The following MDN1 variants were observed in gnomAD, a reference collection of about 807,000 sequenced individuals.
MDN1 encodes midasin.
MDN1 carries 266 observed loss-of-function variants against 669.2 expected under a neutral mutation model. The observed-to-expected ratio is 0.40, with a 90% CI of 0.36 to 0.44. The LOEUF is 0.44. Among genes scored for constraint, MDN1 ranks in the 20% least tolerant of loss-of-function variants. MDN1 has a pLI of 1.00. For synonymous variants in MDN1, 2,385 were observed against 2,457.1 expected, an observed-to-expected ratio of 0.97 and a Z score of 0.87; for missense variants, 5,940 against 6,754.0, an observed-to-expected ratio of 0.88 and a Z score of 4.22.
chr6:89,819,780 G>A lies in MDN1; in HGVS notation c.-173C>T, dbSNP rs1445367446. The A allele has an allele frequency of 1.2e-5, 7 of 600,372 alleles. No homozygotes were observed. Among genetic ancestry groups the A allele is most frequent in the Admixed American group, 1.2e-4 (4 of 34,364 alleles). The allele number at this position is 600,372 out of a possible 1,614,324, so 37.2% of individuals were successfully genotyped here. A position where few individuals can be genotyped will look rare whatever the true frequency, so the allele number is the denominator to read the frequency against. ...GGCACCACACGTGGGTGAGCACACG[G>A]CGTTTGACGTCATCAGCTCGGGACG... On this transcript the variant is annotated 5_prime_UTR_variant, in exon 1 of 102. Coordinates refer to ENST00000369393, the MANE Select transcript of MDN1 (RefSeq NM_014611.3).
Position 89,677,685 on chromosome 6 carries a change from G to A in MDN1, c.12424C>T (p.Arg4142Cys), listed in dbSNP as rs535903618. The change falls in exon 76 of 102, where the codon CGC (arginine) becomes TGC (cysteine). Residue 4142 changes from arginine (R) to cysteine (C), a missense_variant. Around this residue, in one of 5 missense-constraint regions of MDN1, gnomAD observed 2,280 missense variants for 2,576.3 expected, o/e 0.88. Transcript: ENST00000369393. ...GAACGGGCCCAAGCAAGACCTTTGCGATACGACAAACCTAGGAAATAAACA... is the reference window on the plus strand; with the variant it reads ...GAACGGGCCCAAGCAAGACCTTTGCAATACGACAAACCTAGGAAATAAACA... ...KHLAKIGLSY[R>C]KGLAWARSKN... The A allele has an allele frequency of 8.1e-6, 13 of 1,614,076 alleles. No individual in the cohort carries two copies. The highest frequency in any genetic ancestry group is 5.5e-5 in the South Asian group (5 of 91,078).
intron 12 of MDN1, among the ~76,000 whole-genome samples, chr6:89,775,670 CTTTTT>C (rs547187251): frequency 6.7e-6 from 1 of 149,312 alleles, no homozygotes. Flanking sequence ...CTCTTTGCAA[CTTTTT>C]TTTTTGTTTG....
chr6:89,672,213 G>C lies in MDN1; in HGVS notation c.13781C>G (p.Ala4594Gly), dbSNP rs1223385869. ...RLKSYGEDGT[A>G]AKHLFFSQSC... ...ACAGTTAGTTACCAGGTGCTTTGCT[G>C]CTGTGCCATCCTCACCGTACGATTT... The change falls in exon 82 of 102, where the codon GCA (alanine) becomes GGA (glycine). Residue 4594 changes from alanine (A) to glycine (G), a missense_variant. Ala to Gly is a moderately conservative substitution (Grantham distance 60, BLOSUM62 0). Around this residue, in one of 5 missense-constraint regions of MDN1, gnomAD observed 2,280 missense variants for 2,576.3 expected, o/e 0.88. Transcript: ENST00000369393. 1 of 1,583,710 alleles carries C rather than the reference G, an allele frequency of 6.3e-7. No individual in the cohort carries two copies. Among genetic ancestry groups the C allele is most frequent in the Admixed American group, 2.0e-5 (1 of 49,976 alleles).
At chr6:89,704,983 A>G (rs1229744639) in intron 53 of MDN1, among the ~76,000 whole-genome samples, 1 of 152,228 alleles carries the variant, frequency 6.6e-6, no homozygotes, top group African/African-American at 2.4e-5. Context: ...TGTGCCATCA[A>G]ATAAGAATAT....
intron 44 of MDN1, 31 bp downstream of exon 44, chr6:89,716,619 T>C: frequency 6.3e-7 from 1 of 1,575,106 alleles, no homozygotes; most frequent in Non-Finnish European, 8.6e-7. Context: ...AAATTTCAAG[T>C]TGGACCACTG....
In MDN1 at chr6:89,803,446, C is replaced by T. The variant is rs1350571472; in HGVS notation, c.211G>A (p.Asp71Asn). 3 of 1,614,096 alleles carry T rather than the reference C, an allele frequency of 1.9e-6. No individual in the cohort carries two copies. The highest frequency in any genetic ancestry group is 4.5e-5 in the East Asian group (2 of 44,884). Reference sequence around the variant, plus strand: ...GCTTCGGCATTCCTTTCCAGCAAATCCAAAAGGAGAGGGCGAAGCTGGCGA... The same window carrying T: ...GCTTCGGCATTCCTTTCCAGCAAATTCAAAAGGAGAGGGCGAAGCTGGCGA... ...VGRQLRPLLL[D>N]LLERNAEAIK... The change falls in exon 2 of 102, where the codon GAT becomes AAT. Residue 71 changes from aspartate (D) to asparagine (N), a missense_variant. By Grantham distance (23) the Asp-to-Asn change is conservative. Coordinates refer to ENST00000369393, the MANE Select transcript of MDN1 (RefSeq NM_014611.3).
intron 15 of MDN1, 71 bp downstream of exon 15, chr6:89,771,490 C>A: frequency 7.5e-7 from 1 of 1,333,534 alleles, no homozygotes; most frequent in Non-Finnish European, 1.1e-6. Flanking sequence ...GTTGTTAACA[C>A]TAAGAAAACA....
chr6:89,801,545 G>C (rs143119132), intron 2 of MDN1, among the ~76,000 whole-genome samples: 3 of 152,152 alleles, frequency 2.0e-5, no homozygotes, highest in Non-Finnish European at 2.9e-5. Flanking sequence ...CAGCTACTTG[G>C]GGGGCTGAGG....
intron 18 of MDN1, 102 bp downstream of exon 18, chr6:89,758,714 G>A: frequency 8.0e-7 from 1 of 1,245,132 alleles, no homozygotes. Flanking sequence ...AATTCCATTG[G>A]GAGGCCCATG....
At chr6:89,645,473 C>T (rs111369825) in intron 100 of MDN1, among the ~76,000 whole-genome samples, 40 of 152,250 alleles carry the variant, frequency 2.6e-4, no homozygotes, top group African/African-American at 7.5e-4. Context: ...ACATACTGTA[C>T]ATGAGAATTA....
Position 89,655,903 on chromosome 6 carries a change from C to A in MDN1, c.15351G>T (p.Val5117=), listed in dbSNP as rs753539122. ...ERSMGDHNER[V]HKRLRTVDTD... is the part of the protein sequence containing the mutation. ...TATCCACAGTCCTCAGCCTCTTGTG[C>A]ACACGCTCATTGTGATCACCCATGG... Residue 5117 remains valine, a synonymous_variant, in exon 92 of 102, where the codon GTG becomes GTT. Transcript: ENST00000369393. The A allele has an allele frequency of 1.9e-6, 3 of 1,614,138 alleles. No individual in the cohort carries two copies. In the Admixed American group the frequency reaches 5.0e-5, roughly 27 times the overall value.
At chr6:89,779,948 C>A (rs1818573642) in intron 11 of MDN1, among the ~76,000 whole-genome samples, 1 of 151,890 alleles carries the variant, frequency 6.6e-6, no homozygotes, top group Non-Finnish European at 1.5e-5. Context: ...TGCCTGTAAC[C>A]CCAGCTACTC....
intron 10 of MDN1, 84 bp downstream of exon 10, chr6:89,781,315 C>T (rs1159502694): frequency 5.1e-6 from 7 of 1,368,552 alleles, no homozygotes; most frequent in Non-Finnish European, 7.2e-6. Flanking sequence ...TGCACCACTG[C>T]ACTCCAGCCT....
intron 17 of MDN1, among the ~76,000 whole-genome samples, chr6:89,760,879 G>C (rs911335776): frequency 6.6e-6 from 1 of 152,132 alleles, no homozygotes; most frequent in African/African-American, 2.4e-5. Flanking sequence ...ACAAAGCCTT[G>C]GCCAGGCGCG....
At chr6:89,783,155 A>C (rs1818767946) in intron 9 of MDN1, among the ~76,000 whole-genome samples, 1 of 152,190 alleles carries the variant, frequency 6.6e-6, no homozygotes, top group South Asian at 2.1e-4. Context: ...AGGCAAAAAG[A>C]GCCATATTTT....
In MDN1 at chr6:89,686,889, T is replaced by G. The variant is rs1249766768; in HGVS notation, c.11572+13A>C. 5 of 1,613,568 alleles carry G rather than the reference T, an allele frequency of 3.1e-6. No homozygotes were observed. Among genetic ancestry groups the G allele is most frequent in the African/African-American group, 1.3e-5 (1 of 74,878 alleles). On this transcript the variant is annotated intron_variant, in intron 69 of 101. Coordinates refer to ENST00000369393, the MANE Select transcript of MDN1 (RefSeq NM_014611.3). ...AGCTCTAAGTGGGCAGGAAATGTAC[T>G]GCTAGGCATTACCTTCCTGTTCTTC... is the stretch of plus-strand genomic sequence containing the variant.
At chr6:89,762,293 C>A (rs747053460) in intron 16 of MDN1, 26 bp downstream of exon 16, 12 of 1,588,624 alleles carry the variant, frequency 7.6e-6, no homozygotes, top group Non-Finnish European at 1.0e-5. Context: ...TGCCCTCCCC[C>A]ATGGCAGCCT....
chr6:89,731,003 G>T (rs1184793797), intron 34 of MDN1, 80 bp from the exon 35 acceptor site: 3 of 1,321,852 alleles, frequency 2.3e-6, no homozygotes, highest in Non-Finnish European at 2.1e-6. Context: ...TCTAGCACAG[G>T]TTCCCGGAAA....
Position 89,662,108 on chromosome 6 carries a change from T to A in MDN1, c.14544A>T (p.Lys4848Asn). 1 of 1,612,140 alleles carries A rather than the reference T, an allele frequency of 6.2e-7. No homozygotes were observed. Among genetic ancestry groups the A allele is most frequent in the Non-Finnish European group, 8.5e-7 (1 of 1,179,560 alleles). Residue 4848 changes from lysine (K) to asparagine (N), a missense_variant, in exon 87 of 102, where the codon AAA (lysine) becomes AAT (asparagine). By Grantham distance (94) the Lys-to-Asn change is moderately conservative (BLOSUM62 0). Coordinates refer to ENST00000369393, the MANE Select transcript of MDN1 (RefSeq NM_014611.3). The stretch of plus-strand genomic sequence containing the variant: ...TTACCTCATCTATTTGTTCATTAAT[T>A]TTGTCTTCACCTTGTCCACCATCAT... ...EADDGGQGED[K>N]INEQIDERDY...
Sources: gnomAD v4.1 joint callset for allele counts (sites outside exome capture counted in the v4.1 genomes callset) on GRCh38, gnomAD v4.1.1 for gene constraint, gnomAD v4.1.1 regional missense constraint, MANE v1.5 for transcripts, NCBI Gene and HGNC (gene_info 2026-07-23, HGNC 2026-07-21) for gene names.